The following SMTN variants were observed in gnomAD, a reference collection of about 807,000 sequenced individuals.
SMTN encodes the protein smoothelin.
A neutral mutation model predicts 102.0 loss-of-function variants in SMTN; 58 were observed. That is an observed-to-expected ratio of 0.57 (90% CI 0.46 to 0.71). The LOEUF is 0.71. SMTN is among the 30% of genes least tolerant of loss of function. The pLI is 0.00. For synonymous variants in SMTN, 478 were observed against 497.9 expected, an observed-to-expected ratio of 0.96 and a Z score of 0.53; for missense variants, 1,185 against 1,241.7, an observed-to-expected ratio of 0.95 and a Z score of 0.69.
intron 16 of SMTN, 21 bp from the exon 17 acceptor site, chr22:31,098,646 A>G (rs2043805322): frequency 1.2e-6 from 2 of 1,610,378 alleles, no homozygotes; most frequent in African/African-American, 1.3e-5. Context: ...CCTGCCTAAC[A>G]TGCGCCTCCC....
chr22:31,075,292 C>T (rs2042101517), intron 1 of SMTN, among the ~76,000 whole-genome samples: 1 of 152,120 alleles, frequency 6.6e-6, no homozygotes, highest in Admixed American at 6.5e-5. Flanking sequence ...AAAGAAAGTG[C>T]TTAGCAGAGT....
rs746783156 is a variant in SMTN, at chr22:31,099,068, T to C, written c.2340T>C (p.Pro780=). The C allele has an allele frequency of 1.2e-6, 2 of 1,611,504 alleles. No individual in the cohort carries two copies. The highest frequency in any genetic ancestry group is 4.5e-5 in the East Asian group (2 of 44,852). The change falls in exon 18 of 21, where the codon CCT becomes CCC. Residue 780 remains proline (P), a synonymous_variant. Coordinates refer to ENST00000333137, the MANE Select transcript of SMTN (RefSeq NM_134269.3). ...CCTGACACCGCCCCTACAGCAGCCC[T>C]GGCGGACCCCGCGCAGCCGTGCAGC... ...KLEKEGAAGS[P]GGPRAAVQRS...
intron 14 of SMTN, 24 bp from the exon 15 acceptor site, chr22:31,096,974 C>T: frequency 6.2e-7 from 1 of 1,613,938 alleles, no homozygotes; most frequent in East Asian, 2.2e-5. Flanking sequence ...CCTTTCACAT[C>T]CTTCTCATCC....
At chr22:31,099,703 A>T (rs1049929901) in intron 18 of SMTN, 42 bp from the exon 19 acceptor site, 5 of 1,600,712 alleles carry the variant, frequency 3.1e-6, no homozygotes, top group Non-Finnish European at 4.3e-6. Flanking sequence ...AGCAGGGGGG[A>T]GTTGCCCCCA....
chr22:31,065,738 TG>T (rs2041833685), intron 1 of SMTN: 1 of 151,808 alleles, frequency 6.6e-6, no homozygotes. Flanking sequence ...TGCCAGTCCC[TG>T]TGGGGTGTGC....
chr22:31,104,353 G>A lies in SMTN; in HGVS notation c.*58G>A, dbSNP rs752152908. 1.2e-6 allele frequency: 2 copies of A among 1,614,164 alleles called. No homozygotes were observed. Among genetic ancestry groups the A allele is most frequent in the Admixed American group, 1.7e-5 (1 of 60,020 alleles). On this transcript the variant is annotated 3_prime_UTR_variant, in exon 21 of 21. Coordinates refer to ENST00000333137, the MANE Select transcript of SMTN (RefSeq NM_134269.3). ...CTGTGTGCCCCTGGTGGAGGTGGAC[G>A]ACATGATGATCATGGGCAAGAAGCC...
At chr22:31,069,689 G>A (rs998990296) in intron 1 of SMTN, among the ~76,000 whole-genome samples, 2 of 152,138 alleles carry the variant, frequency 1.3e-5, no homozygotes, top group Admixed American at 6.5e-5. Flanking sequence ...ACGAACTCAC[G>A]GCCACAGGCA....
chr22:31,065,653 A>T (rs1203355625), intron 1 of SMTN: 4 of 144,986 alleles, frequency 2.8e-5, no homozygotes, highest in Admixed American at 7.0e-5. Context: ...CCTGGCCTAC[A>T]TTTTTTTTTT....
intron 1 of SMTN, chr22:31,068,150 A>G (rs1451578232): frequency 1.3e-5 from 2 of 152,082 alleles, no homozygotes; most frequent in Non-Finnish European, 2.9e-5. Context: ...CTAAAAATCC[A>G]AAATTTAGCC....
At position 31,092,984 on chromosome 22, in the gene SMTN, C is replaced by T. The variant is rs374907135; in HGVS notation, c.1632+1137C>T. 3.9e-5 allele frequency among the ~76,000 whole-genome samples: 6 copies of T among 152,248 alleles called. No individual in the cohort carries two copies. In the East Asian group the frequency reaches 9.6e-4, roughly 24 times the overall value. ...CATCTGTTCCAGCTGTCTAAAACAG[C>T]TGGAGTTAGGGTAAAGGGTAAAGGA... On this transcript the variant is annotated intron_variant, in intron 11 of 20. Transcript: ENST00000333137.
chr22:31,070,508 G>C (rs573931279), intron 1 of SMTN, among the ~76,000 whole-genome samples: 42 of 152,006 alleles, frequency 2.8e-4, no homozygotes, highest in African/African-American at 9.2e-4. Flanking sequence ...CCACCCCCAC[G>C]TCGAGACCAA....
intron 1 of SMTN, chr22:31,082,699 T>G: frequency 1.5e-6 from 1 of 647,664 alleles, no homozygotes; most frequent in Middle Eastern, 3.6e-4. Context: ...CCTGGGGGAA[T>G]GACAGTGGTG....
chr22:31,104,249 G>A, intron 20 of SMTN, 67 bp from the exon 21 acceptor site: 1 of 1,572,706 alleles, frequency 6.4e-7, no homozygotes, highest in Non-Finnish European at 8.7e-7. Context: ...AAAAGACCTT[G>A]GGGTAGAGGG....
chr22:31,082,783 C>T, intron 1 of SMTN: 1 of 1,359,306 alleles, frequency 7.4e-7, no homozygotes, highest in South Asian at 1.4e-5. Flanking sequence ...CTGGGTAGGC[C>T]CTGTGGATGG....
intron 20 of SMTN, 43 bp from the exon 21 acceptor site, chr22:31,104,273 C>T (rs765653605): frequency 1.3e-6 from 2 of 1,599,382 alleles, no homozygotes; most frequent in South Asian, 1.1e-5. Flanking sequence ...CCACGAGAGG[C>T]GGGTCTGGCG....
chr22:31,091,880 T>C, intron 11 of SMTN, 33 bp downstream of exon 11: 1 of 1,517,662 alleles, frequency 6.6e-7, no homozygotes. Flanking sequence ...AGCCTCACCA[T>C]CCGTCAGCCT....
rs2147754487 is a variant in SMTN at position 31,095,324 on chromosome 22, C to T, written c.1654C>T (p.Pro552Ser). The change falls in exon 12 of 21, where the codon CCT (proline) becomes TCT (serine). Residue 552 changes from proline (P) to serine (S), a missense_variant. Pro to Ser is a moderately conservative substitution (Grantham distance 74). Around this residue, in one of 2 missense-constraint regions of SMTN, gnomAD observed 1,096 missense variants for 1,112.7 expected, o/e 0.98. Transcript: ENST00000333137. This position sits in a 1 kb window ranked among gnomAD's most constrained non-coding sequence, Gnocchi z 4.1. ...SIKMEAEPAE[P>S]LAAAVEAANG... The stretch of plus-strand genomic sequence containing the variant: ...GCAGATGGAAGCAGAGCCAGCAGAG[C>T]CTCTCGCTGCAGCAGTGGAAGCGGC... 6.2e-7 allele frequency: 1 copy of T among 1,614,030 alleles called. No homozygotes were observed. The highest frequency in any genetic ancestry group is 2.2e-5 in the East Asian group (1 of 44,884).
Position 31,099,836 on chromosome 22 carries a change from A to T in SMTN, c.2543A>T (p.Tyr848Phe), listed in dbSNP as rs764124609. Residue 848 changes from tyrosine to phenylalanine, a missense_variant, in exon 19 of 21, where the codon TAT (tyrosine) becomes TTT (phenylalanine). Around this residue, in one of 2 missense-constraint regions of SMTN, gnomAD observed 89 missense variants for 128.9 expected, o/e 0.69. Coordinates refer to ENST00000333137, the MANE Select transcript of SMTN (RefSeq NM_134269.3). Reference sequence around the variant, plus strand: ...AACTTCTTCCCTGAGGCCTTCGACTATGGGCAGCTTAGCCCTCAGAACCGA... The same window carrying T: ...AACTTCTTCCCTGAGGCCTTCGACTTTGGGCAGCTTAGCCCTCAGAACCGA... ...VHNFFPEAFD[Y>F]GQLSPQNRRQ... The T allele has an allele frequency of 1.2e-6, 2 of 1,614,072 alleles. No individual in the cohort carries two copies. The highest frequency in any genetic ancestry group is 2.2e-5 in the South Asian group (2 of 91,084).
chr22:31,065,002 C>A (rs1017700134), intron 1 of SMTN: 1 of 134,166 alleles, frequency 7.5e-6, no homozygotes, highest in Admixed American at 7.4e-5. Flanking sequence ...CTCAGCCTCT[C>A]GCTTTTTTTC....
Sources: gnomAD v4.1 joint callset for allele counts (sites outside exome capture counted in the v4.1 genomes callset) on GRCh38, gnomAD v4.1.1 for gene constraint, gnomAD v4.1.1 regional missense constraint, Gnocchi (gnomAD v3.1) non-coding constraint, MANE v1.5 for transcripts, NCBI Gene and HGNC (gene_info 2026-07-23, HGNC 2026-07-21) for gene names.